Variants in DNAJC14 observed in about 807,000 individuals in gnomAD.
DNAJC14 encodes dnaJ homolog subfamily C member 14.
Under a neutral mutation model 68.8 loss-of-function variants are expected in DNAJC14, and 12 were observed. That is an observed-to-expected ratio of 0.17 (90% CI 0.11 to 0.28). The LOEUF is 0.28. Among genes scored for constraint, DNAJC14 ranks in the 10% least tolerant of loss-of-function variants. The probability of loss-of-function intolerance (pLI) is 1.00; values close to 1 mark genes in which losing one functional copy is unlikely to be tolerated. For synonymous variants in DNAJC14, 350 were observed against 321.5 expected (o/e 1.09, Z -0.95); for missense variants, 764 against 875.6 (o/e 0.87, Z 1.61).
chr12:55,825,955 C>G (rs1400130133), intron 2 of DNAJC14, among the ~76,000 whole-genome samples: 3 of 152,184 alleles, frequency 2.0e-5, no homozygotes, highest in Admixed American at 1.3e-4. Flanking sequence ...CTTGAAACAG[C>G]CTGTTTTCTC....
At chr12:55,829,685 G>T, upstream of DNAJC14, 1 of 884,694 alleles carries the variant, frequency 1.1e-6, no homozygotes, top group Non-Finnish European at 1.4e-6. Context: ...AATAGCGGTT[G>T]GCTGAGAGGC....
At chr12:55,829,436 C>T (rs1419794341) in intron 1 of DNAJC14, 53 bp downstream of exon 1, 1 of 982,682 alleles carries the variant, frequency 1.0e-6, no homozygotes, top group East Asian at 1.1e-4. Flanking sequence ...CAGAGCGAGA[C>T]TCCATCTCAA....
chr12:55,821,989 G>A lies in DNAJC14; in HGVS notation c.2097C>T (p.Pro699=), dbSNP rs758477197. Residue 699 remains proline, a synonymous_variant, in exon 7 of 7, where the codon CCC becomes CCT. Coordinates refer to ENST00000678005, the MANE Select transcript of DNAJC14 (RefSeq NM_032364.6). ...KPKRRKKVRR[P]FQR The stretch of plus-strand genomic sequence containing the variant: ...AAGAGAAGGGGCATCAACGTTGGAA[G>A]GGCCTCCTCACTTTCTTCCGCCGCT... 1.9e-6 allele frequency: 3 copies of A among 1,611,980 alleles called. No individual in the cohort carries two copies. The highest frequency in any genetic ancestry group is 2.5e-6 in the Non-Finnish European group (3 of 1,179,166).
At chr12:55,829,678 A>T, upstream of DNAJC14, 3 of 926,250 alleles carry the variant, frequency 3.2e-6, no homozygotes, top group African/African-American at 1.8e-5. Context: ...GAAAAGAAAT[A>T]GCGGTTGGCT....
chr12:55,823,284 A>G, intron 3 of DNAJC14, 95 bp from the exon 4 acceptor site: 3 of 1,600,478 alleles, frequency 1.9e-6, no homozygotes, highest in Non-Finnish European at 2.6e-6. Context: ...TCTAGCGAGA[A>G]AGACAAGTGA....
rs1880652277 is a variant in DNAJC14 at position 55,821,070 on chromosome 12, T to C, written c.*907A>G. On this transcript the variant is annotated 3_prime_UTR_variant, in exon 7 of 7. Coordinates refer to ENST00000678005, the MANE Select transcript of DNAJC14 (RefSeq NM_032364.6). ...AATATGAACAAACTTAAAAAAAAAA[T>C]ACAAACCCTTGGATCACATGGGGGC... 6.6e-6 allele frequency: 1 copy of C among 152,428 alleles called. No individual in the cohort carries two copies. The highest frequency in any genetic ancestry group is 6.6e-5 in the Admixed American group (1 of 15,258). The allele number at this position is 152,428 out of a possible 1,614,324, so 9.4% of individuals were successfully genotyped here.
intron 6 of DNAJC14, 56 bp from the exon 7 acceptor site, chr12:55,822,243 AGTTAGATATACTTAT>A (rs1228806699): frequency 6.5e-7 from 1 of 1,532,508 alleles, no homozygotes; most frequent in African/African-American, 1.4e-5. Context: ...TGGTTACCTA[AGTTAGATATACTTAT>A]CAGTTCCCAA....
chr12:55,822,945 T>G (rs1213130123), intron 4 of DNAJC14, 125 bp downstream of exon 4: 3 of 1,495,604 alleles, frequency 2.0e-6, no homozygotes, highest in African/African-American at 2.8e-5. Context: ...GGTAGAAACT[T>G]AAGGGTCTTT....
upstream of DNAJC14, chr12:55,829,690 A>G: frequency 1.2e-6 from 1 of 851,702 alleles, no homozygotes; most frequent in Non-Finnish European, 1.4e-6. Context: ...CGGTTGGCTG[A>G]GAGGCAAGCC....
At position 55,824,108 on chromosome 12, in the gene DNAJC14, G is replaced by GT. The variant is rs1373136064; in HGVS notation, c.1408-601dup. On this transcript the variant is annotated intron_variant, in intron 2 of 6. Transcript: ENST00000678005. ...TATGAAGTATGTAGCAAAGAATCAG[G>GT]TACTACGGTGGATTCATCATTCCAG... 7.9e-5 allele frequency among the ~76,000 whole-genome samples: 12 copies of GT among 151,994 alleles called. No individual in the cohort carries two copies. The East Asian group carries it at 2.1e-3, about 27-fold the overall frequency.
At chr12:55,829,355 G>C in intron 1 of DNAJC14, 134 bp downstream of exon 1, 1 of 964,258 alleles carries the variant, frequency 1.0e-6, no homozygotes, top group South Asian at 4.8e-5. Flanking sequence ...TGAGGCAGAA[G>C]AATCGCTTGA....
rs374830888 is a variant in DNAJC14 at position 55,822,208 on chromosome 12, T to A, written c.1899-21A>T. Reference sequence around the variant, plus strand: ...TGGCTCTGAGGTAAAACAGAAGAAATAAGGCAAGAGATGTTAGAGTCATAT... The same window carrying A: ...TGGCTCTGAGGTAAAACAGAAGAAAAAAGGCAAGAGATGTTAGAGTCATAT... On this transcript the variant is annotated intron_variant, in intron 6 of 6. Coordinates refer to ENST00000678005, the MANE Select transcript of DNAJC14 (RefSeq NM_032364.6). The A allele has an allele frequency of 2.6e-6, 4 of 1,558,818 alleles. No homozygotes were observed. The African/African-American group carries it at 5.5e-5, about 21-fold the overall frequency.
Position 55,821,156 on chromosome 12 carries a change from TA to T in DNAJC14, c.*820del, listed in dbSNP as rs1052189215. The T allele has an allele frequency of 6.6e-6, 1 of 152,640 alleles. No homozygotes were observed. The highest frequency in any genetic ancestry group is 2.4e-5 in the African/African-American group (1 of 41,460). 9.5% of individuals were successfully genotyped at this position (152,640 alleles called of 1,614,324 possible). On this transcript the variant is annotated 3_prime_UTR_variant, in exon 7 of 7. Transcript: ENST00000678005. ...GGGCAGTGGGCATGAATCTACTTTTTAAAAATGATTAATTTTGGCCATCCTT... is the reference window on the plus strand; with the variant it reads ...GGGCAGTGGGCATGAATCTACTTTTTAAAATGATTAATTTTGGCCATCCTT...
intron 1 of DNAJC14, among the ~76,000 whole-genome samples, 166 bp from the exon 2 acceptor site, chr12:55,828,880 C>G (rs563650487): frequency 6.6e-6 from 1 of 152,322 alleles, no homozygotes; most frequent in South Asian, 2.1e-4. Context: ...TCACCACAAC[C>G]CTGCTTGCTC....
rs1880911138 is a variant in DNAJC14 at position 55,829,506 on chromosome 12, T to C, written c.-74A>G. ...GGACGTACCGAAGAACGGCGGTAAC[T>C]CCTCCCCCTCGAGCCGCCCGGCCTG... On this transcript the variant is annotated 5_prime_UTR_variant, in exon 1 of 7. Transcript: ENST00000678005. The C allele has an allele frequency of 5.1e-6, 5 of 978,428 alleles. No homozygotes were observed. The highest frequency in any genetic ancestry group is 4.8e-6 in the Non-Finnish European group (4 of 828,338). The allele number at this position is 978,428 out of a possible 1,614,324, so 60.6% of individuals were successfully genotyped here. A position where few individuals can be genotyped will look rare whatever the true frequency, so the allele number is the denominator to read the frequency against.
Position 55,828,680 on chromosome 12 carries a change from T to C in DNAJC14, c.-22A>G. 1 of 1,599,470 alleles carries C rather than the reference T, an allele frequency of 6.3e-7. No homozygotes were observed. The highest frequency in any genetic ancestry group is 1.1e-5 in the South Asian group (1 of 89,692). Reference sequence around the variant, plus strand: ...CCATGACCCCGGGGCTTCCTGAGGGTCTTAGGTCACAGCCATCATGGTGTG... The same window carrying C: ...CCATGACCCCGGGGCTTCCTGAGGGCCTTAGGTCACAGCCATCATGGTGTG... On this transcript the variant is annotated 5_prime_UTR_variant, in exon 2 of 7. Coordinates refer to ENST00000678005, the MANE Select transcript of DNAJC14 (RefSeq NM_032364.6).
chr12:55,822,626 C>G lies in DNAJC14; in HGVS notation c.1741G>C (p.Gly581Arg). The change falls in exon 5 of 7, where the codon GGC (glycine) becomes CGC (arginine). Residue 581 changes from glycine (G) to arginine (R), a missense_variant. Around this residue, in one of 4 missense-constraint regions of DNAJC14, gnomAD observed 134 missense variants for 162.3 expected, o/e 0.83. Coordinates refer to ENST00000678005, the MANE Select transcript of DNAJC14 (RefSeq NM_032364.6). ...AGTGCAAAGTAGGTGATCTTGAGGC[C>G]CAACATGCTTGACTCTGCCCAAAAG... Reference protein sequence around the residue: ...GDFWAESSMLGLKITYFALMD... With the variant: ...GDFWAESSMLRLKITYFALMD... 6.2e-7 allele frequency: 1 copy of G among 1,614,164 alleles called. No individual in the cohort carries two copies. Among genetic ancestry groups the G allele is most frequent in the Non-Finnish European group, 8.5e-7 (1 of 1,180,042 alleles).
rs1423843453 is a variant in DNAJC14 at position 55,827,997 on chromosome 12, T to C, written c.662A>G (p.His221Arg). The change falls in exon 2 of 7, where the codon CAT becomes CGT. Residue 221 changes from histidine (H) to arginine (R), a missense_variant. Physicochemically the swap from His to Arg is conservative, Grantham distance 29 (BLOSUM62 0). Transcript: ENST00000678005. ...CTGACTTCGTTTCCGACCCAGCCGA[T>C]GTCGACCAGGGGACCTGGGATCCCT... ...GRRDPRSPGR[H>R]RLGRKRSQAD... 1 of 1,613,484 alleles carries C rather than the reference T, an allele frequency of 6.2e-7. No individual in the cohort carries two copies. Among genetic ancestry groups the C allele is most frequent in the South Asian group, 1.1e-5 (1 of 91,060 alleles).
In DNAJC14 at chr12:55,827,955, C is replaced by T. The variant is rs1319250950; in HGVS notation, c.704G>A (p.Gly235Asp). The change falls in exon 2 of 7, where the codon GGC becomes GAC. Residue 235 changes from glycine (G) to aspartate (D), a missense_variant. This residue lies in a region of DNAJC14 where 514 missense variants were observed against 521.7 expected (regional missense o/e 0.99). Transcript: ENST00000678005. ...TTCCTCGGCTCCCCACAATCCCAGG[C>T]CTTTGCGCTTATCTGCCTGACTTCG... ...RKRSQADKRK[G>D]LGLWGAEELC... 6.2e-7 allele frequency: 1 copy of T among 1,611,758 alleles called. No homozygotes were observed. Among genetic ancestry groups the T allele is most frequent in the African/African-American group, 1.3e-5 (1 of 74,888 alleles).
Sources: gnomAD v4.1 joint callset for allele counts (sites outside exome capture counted in the v4.1 genomes callset) on GRCh38, gnomAD v4.1.1 for gene constraint, gnomAD v4.1.1 regional missense constraint, MANE v1.5 for transcripts, NCBI Gene and HGNC (gene_info 2026-07-23, HGNC 2026-07-21) for gene names.